Variants in YJU2 observed in about 807,000 individuals in gnomAD.
The protein encoded by YJU2 is YJU2 splicing factor homolog.
In YJU2, 28 loss-of-function variants were observed where a neutral mutation model predicts 39.6. The observed-to-expected ratio is 0.71, with a 90% confidence interval of 0.52 to 0.97. YJU2 has a LOEUF of 0.97. YJU2 is among the 50% of genes least tolerant of loss of function. The pLI, the probability that YJU2 is intolerant of heterozygous loss-of-function variation, is 0.00. For missense variants in YJU2, 328 were observed against 430.4 expected, an observed-to-expected ratio of 0.76 and a Z score of 2.11; for synonymous variants, 184 against 182.4, an observed-to-expected ratio of 1.01 and a Z score of -0.07.
intron 4 of YJU2, 104 bp downstream of exon 4, chr19:4,254,593 T>TG: frequency 7.0e-7 from 1 of 1,428,922 alleles, no homozygotes. Flanking sequence ...GGAAGGAAGA[T>TG]GGGGTGGGGG....
At chr19:4,257,822 C>T (rs1971033920) in intron 4 of YJU2, among the ~76,000 whole-genome samples, 1 of 152,044 alleles carries the variant, frequency 6.6e-6, no homozygotes, top group African/African-American at 2.4e-5. Flanking sequence ...AGGCTGGTCT[C>T]GAACTCCTGA....
intron 7 of YJU2, 90 bp downstream of exon 7, chr19:4,267,864 G>T: frequency 8.1e-7 from 1 of 1,241,874 alleles, no homozygotes; most frequent in South Asian, 1.4e-5. Flanking sequence ...GAGACTTCAT[G>T]GGGTGGGTGG....
intron 2 of YJU2, 104 bp from the exon 3 acceptor site, chr19:4,250,923 G>A: frequency 7.5e-7 from 1 of 1,331,354 alleles, no homozygotes; most frequent in Non-Finnish European, 1.0e-6. Context: ...GCTCCCCGTT[G>A]CTGGAGGCAA....
At chr19:4,253,096 G>A (rs1225126531) in intron 3 of YJU2, among the ~76,000 whole-genome samples, 2 of 151,812 alleles carry the variant, frequency 1.3e-5, no homozygotes, top group East Asian at 1.9e-4. Flanking sequence ...GGCCAGGCAT[G>A]GTGGCTTACT....
At chr19:4,252,308 A>G (rs1303540023) in intron 3 of YJU2, among the ~76,000 whole-genome samples, 4 of 151,598 alleles carry the variant, frequency 2.6e-5, no homozygotes, top group African/African-American at 7.3e-5. Context: ...AAAAAAAAAT[A>G]CAAAAATAGG....
intron 6 of YJU2, 94 bp from the exon 7 acceptor site, chr19:4,267,530 G>C: frequency 1.5e-6 from 2 of 1,318,916 alleles, no homozygotes; most frequent in Non-Finnish European, 2.1e-6. Flanking sequence ...CAGTGGAAGA[G>C]TGGGCATGGG....
rs2144688005 is a variant in YJU2 at position 4,249,730 on chromosome 19, A to G, written c.125+402A>G. Among the ~76,000 whole-genome samples the G allele has an allele frequency of 2.0e-5, 3 of 150,332 alleles. No individual in the cohort carries two copies. In the South Asian group the frequency reaches 6.3e-4, roughly 32 times the overall value. On this transcript the variant is annotated intron_variant, in intron 2 of 7. Coordinates refer to ENST00000262962, the MANE Select transcript of YJU2 (RefSeq NM_018074.6). ...TTTCTTTTTTTTTTTTTGTTGAGAC[A>G]GAGTCTTGCCGTGTTGCCCAGGCTG... is the stretch of plus-strand genomic sequence containing the variant.
At chr19:4,249,863 C>T (rs1023307607) in intron 2 of YJU2, among the ~76,000 whole-genome samples, 1 of 152,084 alleles carries the variant, frequency 6.6e-6, no homozygotes, top group Non-Finnish European at 1.5e-5. Context: ...TGCACCACCA[C>T]GCCCGGCTAA....
At chr19:4,259,694 C>T (rs972129691) in intron 5 of YJU2, among the ~76,000 whole-genome samples, 5 of 152,072 alleles carry the variant, frequency 3.3e-5, no homozygotes, top group African/African-American at 9.7e-5. Context: ...ATGCCTTTGA[C>T]GCCGACCACC....
Position 4,267,705 on chromosome 19 carries a change from G to C in YJU2, c.790G>C (p.Val264Leu). 6.2e-7 allele frequency: 1 copy of C among 1,613,378 alleles called. No homozygotes were observed. Among genetic ancestry groups the C allele is most frequent in the Non-Finnish European group, 8.5e-7 (1 of 1,179,914 alleles). The stretch of plus-strand genomic sequence containing the variant: ...CAGCCGGCCCCCGCTGTCGAGGCTG[G>C]TCGTGGTGAAGAAGGCAAAGGCCGA... ...LGSRPPLSRL[V>L]VVKKAKADPD... Residue 264 changes from valine to leucine, a missense_variant, in exon 7 of 8, where the codon GTC (valine) becomes CTC (leucine). By Grantham distance (32) the Val-to-Leu change is conservative (BLOSUM62 1). Transcript: ENST00000262962.
At chr19:4,267,966 T>G (rs1481436212) in intron 7 of YJU2, among the ~76,000 whole-genome samples, 192 bp downstream of exon 7, 1 of 151,620 alleles carries the variant, frequency 6.6e-6, no homozygotes, top group African/African-American at 2.4e-5. Flanking sequence ...TCTTTTTTTT[T>G]TTTTGAGACA....
At chr19:4,256,244 A>T (rs7256424) in intron 4 of YJU2, among the ~76,000 whole-genome samples, 59,594 of 148,078 alleles carry the variant, frequency 0.4, 13,964 homozygotes, top group African/African-American at 0.64. Flanking sequence ...ATACACATAT[A>T]TATATAAAAC....
At position 4,267,777 on chromosome 19, in the gene YJU2, A is replaced by G; in HGVS notation, c.859+3A>G. Reference sequence around the variant, plus strand: ...GCCTCAGGCGGCCCCCACCCCAGGTAAGGTCACAGAGTTCCCAGAGCCGGG... The same window carrying G: ...GCCTCAGGCGGCCCCCACCCCAGGTGAGGTCACAGAGTTCCCAGAGCCGGG... On this transcript the variant is annotated splice_donor_region_variant and intron_variant, in intron 7 of 7. Coordinates refer to ENST00000262962, the MANE Select transcript of YJU2 (RefSeq NM_018074.6). The G allele has an allele frequency of 6.2e-7, 1 of 1,610,872 alleles. No homozygotes were observed. Among genetic ancestry groups the G allele is most frequent in the Non-Finnish European group, 8.5e-7 (1 of 1,178,906 alleles).
chr19:4,261,964 A>G (rs1241292745), intron 5 of YJU2, 30 bp from the exon 6 acceptor site: 1 of 1,609,022 alleles, frequency 6.2e-7, no homozygotes. Context: ...CAAACAGAGC[A>G]CGTCCAAGTT....
At chr19:4,255,091 G>C (rs537196243) in intron 4 of YJU2, among the ~76,000 whole-genome samples, 1 of 151,016 alleles carries the variant, frequency 6.6e-6, no homozygotes, top group East Asian at 1.9e-4. Flanking sequence ...AAGCATGGTG[G>C]CGCATGCCTG....
At chr19:4,251,750 A>G (rs1057395603) in intron 3 of YJU2, among the ~76,000 whole-genome samples, 18 of 151,964 alleles carry the variant, frequency 1.2e-4, no homozygotes, top group Admixed American at 1.2e-3. Flanking sequence ...TTGGGAGGCC[A>G]AGGCAGGAAA....
chr19:4,268,721 G>A lies in YJU2; in HGVS notation c.*25G>A. The A allele has an allele frequency of 3.3e-6, 5 of 1,538,396 alleles. No individual in the cohort carries two copies. Among genetic ancestry groups the A allele is most frequent in the Non-Finnish European group, 4.5e-6 (5 of 1,115,916 alleles). On this transcript the variant is annotated 3_prime_UTR_variant, in exon 8 of 8. Coordinates refer to ENST00000262962, the MANE Select transcript of YJU2 (RefSeq NM_018074.6). ...AGCCCTCCCAGGACCCCCTCACGGG[G>A]TCAAAGTCACACGTCCAGCTTCAGC... is the stretch of plus-strand genomic sequence containing the variant.
chr19:4,267,805 C>T lies in YJU2; in HGVS notation c.859+31C>T, dbSNP rs181401676. On this transcript the variant is annotated intron_variant, in intron 7 of 7. Coordinates refer to ENST00000262962, the MANE Select transcript of YJU2 (RefSeq NM_018074.6). ...GTCACAGAGTTCCCAGAGCCGGGCG[C>T]GGTTTCTATAGTGGCCTGTAGGTGG... 1.4e-4 allele frequency: 217 copies of T among 1,590,464 alleles called. 2 individuals are homozygous for T. The East Asian group carries it at 4.7e-3, about 35-fold the overall frequency.
At position 4,261,614 on chromosome 19, in the gene YJU2, T is replaced by C. The variant is rs539020900; in HGVS notation, c.588-380T>C. ...AGGTGGGGGTTGCAGTGAGCCAAGA[T>C]TGCGCCACTGCACTCCAGCCTGGGC... On this transcript the variant is annotated intron_variant, in intron 5 of 7. Transcript: ENST00000262962. Among the ~76,000 whole-genome samples the C allele has an allele frequency of 3.9e-5, 6 of 152,192 alleles. No individual in the cohort carries two copies. In the South Asian group the frequency reaches 1.0e-3, roughly 26 times the overall value.
Sources: gnomAD v4.1 joint callset for allele counts (sites outside exome capture counted in the v4.1 genomes callset) on GRCh38, gnomAD v4.1.1 for gene constraint, MANE v1.5 for transcripts, NCBI Gene and HGNC (gene_info 2026-07-23, HGNC 2026-07-21) for gene names.